Variants in UNC5CL observed in about 807,000 individuals in gnomAD.
UNC5CL encodes the protein unc-5 family C-terminal like.
A neutral mutation model predicts 54.1 loss-of-function variants in UNC5CL; 42 were observed. That is an observed-to-expected ratio of 0.78 (90% CI 0.61 to 1.00). UNC5CL has a LOEUF of 1.00. Among genes scored for constraint, UNC5CL ranks in the 50% least tolerant of loss-of-function variants. The pLI is 0.00. For missense variants in UNC5CL, 619 were observed against 675.6 expected (o/e 0.92, Z 0.93); for synonymous variants, 285 against 285.1 (o/e 1.00, Z 0.00).
chr6:41,029,673 C>T lies in UNC5CL; in HGVS notation c.1334+715G>A, dbSNP rs978987420. 2.6e-5 allele frequency among the ~76,000 whole-genome samples: 4 copies of T among 152,222 alleles called. No individual in the cohort carries two copies. The East Asian group carries it at 7.7e-4, about 29-fold the overall frequency. Reference sequence around the variant, plus strand: ...CCAACCTGGTGAAACCCCGTCTGTACTAAAAATAAAAAATTAGCTGGACAT... The same window carrying T: ...CCAACCTGGTGAAACCCCGTCTGTATTAAAAATAAAAAATTAGCTGGACAT... On this transcript the variant is annotated intron_variant, in intron 8 of 8. Coordinates refer to ENST00000244565, the MANE Select transcript of UNC5CL (RefSeq NM_173561.3). The surrounding 1 kb of genome is among the most constrained non-coding windows in gnomAD (Gnocchi z 4.1).
chr6:41,032,367 A>C (rs965617089), intron 4 of UNC5CL, among the ~76,000 whole-genome samples: 4 of 152,168 alleles, frequency 2.6e-5, no homozygotes, highest in African/African-American at 7.2e-5. Context: ...GCCACCTGGC[A>C]TCACCCTGTC....
In UNC5CL at chr6:41,028,427, G is replaced by A; in HGVS notation, c.1503C>T (p.Pro501=). The stretch of plus-strand genomic sequence containing the variant: ...GGTTATCCCGGGCGCCCCCGCGCTC[G>A]GGGCCTGGGCTGCCGCCGTGTGTCC... The part of the protein sequence containing the change: ...LSGTHGGSPG[P]ERGGARDNQG... Residue 501 remains proline (P), a synonymous_variant, in exon 9 of 9, where the codon CCC becomes CCT. Coordinates refer to ENST00000244565, the MANE Select transcript of UNC5CL (RefSeq NM_173561.3). The surrounding 1 kb of genome is among the most constrained non-coding windows in gnomAD (Gnocchi z 4.3). 1 of 1,612,138 alleles carries A rather than the reference G, an allele frequency of 6.2e-7. No homozygotes were observed. The highest frequency in any genetic ancestry group is 8.5e-7 in the Non-Finnish European group (1 of 1,179,426).
In UNC5CL at chr6:41,034,177, A is replaced by G; in HGVS notation, c.390T>C (p.Ala130=). 6.2e-7 allele frequency: 1 copy of G among 1,603,036 alleles called. No individual in the cohort carries two copies. Among genetic ancestry groups the G allele is most frequent in the Non-Finnish European group, 8.5e-7 (1 of 1,173,750 alleles). Residue 130 remains alanine, a synonymous_variant, in exon 3 of 9, where the codon GCT becomes GCC. Transcript: ENST00000244565. ...CCCGCTCCTGGCGGCCCACAGCCAC[A>G]GCACCTGGCAGGGAGAGGGAGAGCT... ...TGISLLIPPG[A]VAVGRQERVS...
chr6:41,034,773 AAC>A lies in UNC5CL; in HGVS notation c.300_301del (p.Leu101GlyfsTer119), dbSNP rs1762500599. 6.2e-7 allele frequency: 1 copy of A among 1,614,012 alleles called. No individual in the cohort carries two copies. The highest frequency in any genetic ancestry group is 8.5e-7 in the Non-Finnish European group (1 of 1,180,042). ...ATCCACCTCTCGAGCCGAAAACACCAACAGTTTGTGCATCAACTGGCGGACCA... is the reference window on the plus strand; with the variant it reads ...ATCCACCTCTCGAGCCGAAAACACCAAGTTTGTGCATCAACTGGCGGACCA... On this transcript the variant is annotated frameshift_variant, in exon 2 of 9. Transcript: ENST00000244565. LOFTEE classifies it high-confidence loss of function.
chr6:41,035,133 G>A lies in UNC5CL; in HGVS notation c.-59C>T. 1 of 1,507,792 alleles carries A rather than the reference G, an allele frequency of 6.6e-7. No homozygotes were observed. The highest frequency in any genetic ancestry group is 8.8e-7 in the Non-Finnish European group (1 of 1,130,836). 93.4% of individuals were successfully genotyped at this position (1,507,792 alleles called of 1,614,324 possible). A position where few individuals can be genotyped will look rare whatever the true frequency, so the allele number is the denominator to read the frequency against. On this transcript the variant is annotated splice_region_variant and 5_prime_UTR_variant, in exon 2 of 9. Transcript: ENST00000244565. ...CACCCCTGTGCCAGCCAAAGCCAAA[G>A]GCCTGGTGGGGAAGAAGGGGTCAGT...
At chr6:41,033,447 AG>A (rs1464513231) in intron 3 of UNC5CL, among the ~76,000 whole-genome samples, 1 of 152,146 alleles carries the variant, frequency 6.6e-6, no homozygotes, top group Non-Finnish European at 1.5e-5. Flanking sequence ...GGTGGCAAGG[AG>A]GCTGGGAGGC....
Position 41,028,115 on chromosome 6 carries a change from G to T in UNC5CL, c.*258C>A. The stretch of plus-strand genomic sequence containing the variant: ...TGGCCGTCCCCTGGTCAGTTTGGCA[G>T]GCTGGCCACGCTGAGGCCATCTCCT... On this transcript the variant is annotated 3_prime_UTR_variant, in exon 9 of 9. Transcript: ENST00000244565. This position sits in a 1 kb window ranked among gnomAD's most constrained non-coding sequence, Gnocchi z 4.3. The T allele has an allele frequency of 1.9e-6, 1 of 523,390 alleles. No homozygotes were observed. The highest frequency in any genetic ancestry group is 3.3e-5 in the East Asian group (1 of 29,946). 32.4% of individuals were successfully genotyped at this position (523,390 alleles called of 1,614,324 possible).
intron 1 of UNC5CL, among the ~76,000 whole-genome samples, chr6:41,037,045 C>T (rs1440361714): frequency 6.6e-6 from 1 of 152,192 alleles, no homozygotes; most frequent in African/African-American, 2.4e-5. Flanking sequence ...TTTTCTGTTT[C>T]TCCACTCACT....
chr6:41,030,372 T>G lies in UNC5CL; in HGVS notation c.1334+16A>C, dbSNP rs753659641. 1.2e-6 allele frequency: 2 copies of G among 1,613,210 alleles called. No homozygotes were observed. The highest frequency in any genetic ancestry group is 1.7e-6 in the Non-Finnish European group (2 of 1,179,276). ...CACCCTCCTCTACCATCCACAGACC[T>G]CACCCCTCTTCCTACCGGATCTTCA... is the stretch of plus-strand genomic sequence containing the variant. On this transcript the variant is annotated intron_variant, in intron 8 of 8. Transcript: ENST00000244565.
intron 1 of UNC5CL, among the ~76,000 whole-genome samples, chr6:41,036,188 A>C (rs1010693078): frequency 2.6e-5 from 4 of 152,258 alleles, no homozygotes; most frequent in Admixed American, 2.6e-4. Flanking sequence ...AATACATTTT[A>C]TTTAACCCAA....
intron 3 of UNC5CL, 146 bp downstream of exon 3, chr6:41,033,735 G>T: frequency 1.1e-6 from 1 of 883,712 alleles, no homozygotes; most frequent in Non-Finnish European, 1.7e-6. Flanking sequence ...AGGACAGAGG[G>T]GCCAGAAAGA....
Position 41,030,410 on chromosome 6 carries a change from C to T in UNC5CL, c.1312G>A (p.Gly438Arg), listed in dbSNP as rs1173259300. ...NDWRRLASHL[G>R]LCGMKIRFLS... ...TACCGGATCTTCATGCCGCAAAGCC[C>T]CAGGTGGGAGGCCAGTCTGCGCCAG... The change falls in exon 8 of 9, where the codon GGG becomes AGG. Residue 438 changes from glycine to arginine, a missense_variant. Physicochemically the swap from Gly to Arg is moderately radical, Grantham distance 125. Transcript: ENST00000244565. The T allele has an allele frequency of 6.2e-7, 1 of 1,614,104 alleles. No individual in the cohort carries two copies. The highest frequency in any genetic ancestry group is 2.2e-5 in the East Asian group (1 of 44,878).
At position 41,034,126 on chromosome 6, in the gene UNC5CL, C is replaced by T. The variant is rs761228812; in HGVS notation, c.441G>A (p.Leu147=). 9.3e-6 allele frequency: 15 copies of T among 1,613,784 alleles called. No individual in the cohort carries two copies. The highest frequency in any genetic ancestry group is 1.3e-5 in the Non-Finnish European group (15 of 1,179,920). The change falls in exon 3 of 9, where the codon CTG becomes CTA. Residue 147 remains leucine (L), a synonymous_variant. Coordinates refer to ENST00000244565, the MANE Select transcript of UNC5CL (RefSeq NM_173561.3). ...CTTGGGACAGCGATGGGGCGTCCGA[C>T]AGGTCCCACACCAGGATCAAAGACA... is the stretch of plus-strand genomic sequence containing the variant. ...ERVSLILVWD[L]SDAPSLSQAQ...
chr6:41,038,456 G>C (rs1762546976), intron 1 of UNC5CL, among the ~76,000 whole-genome samples: 1 of 152,088 alleles, frequency 6.6e-6, no homozygotes, highest in Non-Finnish European at 1.5e-5. Flanking sequence ...TGGAGAAGTT[G>C]GCATGCACCA....
Position 41,030,440 on chromosome 6 carries a change from T to C in UNC5CL, c.1282A>G (p.Asn428Asp). Reference sequence around the variant, plus strand: ...TGGGAGGCCAGTCTGCGCCAGTCATTGCCGGTGATGCTGTTTGGCTCCAAT... The same window carrying C: ...TGGGAGGCCAGTCTGCGCCAGTCATCGCCGGTGATGCTGTTTGGCTCCAAT... ...MLLEPNSITG[N>D]DWRRLASHLG... is the part of the protein sequence containing the mutation. The change falls in exon 8 of 9, where the codon AAT becomes GAT. Residue 428 changes from asparagine to aspartate, a missense_variant. Physicochemically the swap from Asn to Asp is conservative, Grantham distance 23. Transcript: ENST00000244565. The C allele has an allele frequency of 1.2e-6, 2 of 1,614,152 alleles. No homozygotes were observed. The highest frequency in any genetic ancestry group is 1.7e-6 in the Non-Finnish European group (2 of 1,180,016).
In UNC5CL at chr6:41,028,945, C is replaced by CCTCCCCCTAGT. The variant is rs144858416; in HGVS notation, c.1335-351_1335-350insACTAGGGGGAG. Among the ~76,000 whole-genome samples the CCTCCCCCTAGT allele has an allele frequency of 0.26, 38,700 of 146,094 alleles. 5,375 individuals carry two copies. Among genetic ancestry groups the CCTCCCCCTAGT allele is most frequent in the South Asian group, 0.35 (1,552 of 4,434 alleles). ...TCCCCCACTCCAAATACACCCCTAGCCTCCCCCTAGCCTCCTAACTCCCTC... is the reference window on the plus strand; with the variant it reads ...TCCCCCACTCCAAATACACCCCTAGCCTCCCCCTAGTCTCCCCCTAGCCTCCTAACTCCCTC... On this transcript the variant is annotated intron_variant, in intron 8 of 8. Transcript: ENST00000244565. The surrounding 1 kb of genome is among the most constrained non-coding windows in gnomAD (Gnocchi z 4.3).
Position 41,028,624 on chromosome 6 carries a change from G to A in UNC5CL, c.1335-29C>T, listed in dbSNP as rs188103882. 47 of 1,603,890 alleles carry A rather than the reference G, an allele frequency of 2.9e-5. No individual in the cohort carries two copies. The Admixed American group carries it at 7.0e-4, about 24-fold the overall frequency. On this transcript the variant is annotated intron_variant, in intron 8 of 8. Coordinates refer to ENST00000244565, the MANE Select transcript of UNC5CL (RefSeq NM_173561.3). This position sits in a 1 kb window ranked among gnomAD's most constrained non-coding sequence, Gnocchi z 4.3. ...GCCCGAGGTAGGGGAGGAAGAGAAG[G>A]GTGTAGGAGCAGGGAGGGGCTCCCC... is the stretch of plus-strand genomic sequence containing the variant.
chr6:41,032,964 C>A lies in UNC5CL; in HGVS notation c.869G>T (p.Arg290Leu), dbSNP rs529775453. 1 of 1,602,802 alleles carries A rather than the reference C, an allele frequency of 6.2e-7. No individual in the cohort carries two copies. The highest frequency in any genetic ancestry group is 1.7e-5 in the Admixed American group (1 of 58,176). ...GAAGAGCTGGCAGGGCCCACGCAGG[C>A]GCCCACCATGGGGCTGCTCGTTGGT... ...ALTNEQPHGGRLRGPCQLFDF... is the reference protein window; with the variant it reads ...ALTNEQPHGGLLRGPCQLFDF... The change falls in exon 4 of 9, where the codon CGC becomes CTC. Residue 290 changes from arginine to leucine, a missense_variant. Arg to Leu is a moderately radical substitution (Grantham distance 102, BLOSUM62 -2). Coordinates refer to ENST00000244565, the MANE Select transcript of UNC5CL (RefSeq NM_173561.3).
In UNC5CL at chr6:41,038,958, G is replaced by A. The variant is rs16894186; in HGVS notation, c.-62+204C>T. ...GTCATGAATGGCATTTGTTAGTATAGTAGACATTTCCGCAGGACACAGAAT... is the reference window on the plus strand; with the variant it reads ...GTCATGAATGGCATTTGTTAGTATAATAGACATTTCCGCAGGACACAGAAT... On this transcript the variant is annotated intron_variant, in intron 1 of 8. Coordinates refer to ENST00000244565, the MANE Select transcript of UNC5CL (RefSeq NM_173561.3). Among the ~76,000 whole-genome samples, 355 of 152,272 alleles carry A rather than the reference G, an allele frequency of 2.3e-3. 8 individuals carry two copies. In the East Asian group the frequency reaches 0.025, roughly 11 times the overall value.
Sources: allele counts gnomAD v4.1 joint callset (sites outside exome capture counted in the v4.1 genomes callset), GRCh38; gene constraint gnomAD v4.1.1; non-coding constraint Gnocchi (gnomAD v3.1); transcripts MANE v1.5; gene names NCBI Gene and HGNC (gene_info 2026-07-23, HGNC 2026-07-21).